The following INTS6L variants were observed in gnomAD, a reference collection of about 807,000 sequenced individuals.
The protein encoded by INTS6L is integrator complex subunit 6-like.
INTS6L carries 18 observed loss-of-function variants against 64.7 expected under a neutral mutation model. That is an observed-to-expected ratio of 0.28 (90% CI 0.19 to 0.41). INTS6L has a LOEUF of 0.41. INTS6L is among the 10% of genes least tolerant of loss of function. The pLI is 1.00. For missense variants in INTS6L, 533 were observed against 661.0 expected, an observed-to-expected ratio of 0.81 and a Z score of 2.12; for synonymous variants, 227 against 235.9, an observed-to-expected ratio of 0.96 and a Z score of 0.34.
rs1187716358 is a variant in INTS6L at position 135,521,803 on chromosome X, G to T, written c.189+485G>T. Among the ~76,000 whole-genome samples, 4 of 108,402 alleles carry T rather than the reference G, an allele frequency of 3.7e-5. No homozygotes were observed. In the Admixed American group the frequency reaches 3.8e-4, roughly 10 times the overall value. 94.1% of individuals were successfully genotyped at this position (108,402 alleles called of 115,157 possible). ...TGCGACTCCGCCCCGAGGTCCTGCC[G>T]GCCGGGCGCGCGGGCTTTCCCGGAG... is the stretch of plus-strand genomic sequence containing the variant. On this transcript the variant is annotated intron_variant, in intron 2 of 17. Transcript: ENST00000639893.
intron 3 of INTS6L, among the ~76,000 whole-genome samples, chrX:135,546,008 A>G (rs782779036): frequency 8.9e-6 from 1 of 112,151 alleles, no homozygotes; most frequent in Non-Finnish European, 1.9e-5. Context: ...AGGTTGCAGC[A>G]CGCAAGTCAC....
chrX:135,527,586 C>T, intron 2 of INTS6L, among the ~76,000 whole-genome samples: 1 of 112,211 alleles, frequency 8.9e-6, no homozygotes, highest in African/African-American at 3.2e-5. Context: ...CTAGTTAAGA[C>T]TGGACCACAG....
chrX:135,565,918 C>T (rs1390440492), intron 9 of INTS6L, among the ~76,000 whole-genome samples: 1 of 112,109 alleles, frequency 8.9e-6, no homozygotes, highest in Non-Finnish European at 1.9e-5. Flanking sequence ...CTTTCTGTAA[C>T]CTGTGTTTTC....
chrX:135,536,419 G>A (rs1348490251), intron 2 of INTS6L, among the ~76,000 whole-genome samples: 1 of 111,763 alleles, frequency 8.9e-6, no homozygotes, highest in African/African-American at 3.3e-5. Context: ...GAAATTAACA[G>A]CATGTTTATT....
At chrX:135,562,432 C>T (rs971560413) in intron 9 of INTS6L, among the ~76,000 whole-genome samples, 1 of 112,067 alleles carries the variant, frequency 8.9e-6, no homozygotes, top group Non-Finnish European at 1.9e-5. Context: ...TATTTTCTAT[C>T]TTAATATATA....
intron 9 of INTS6L, among the ~76,000 whole-genome samples, chrX:135,559,198 T>C (rs1556520872): frequency 8.9e-6 from 1 of 112,026 alleles, no homozygotes; most frequent in African/African-American, 3.2e-5. Flanking sequence ...AGTATCACAA[T>C]TGTGATATTA....
At chrX:135,522,787 T>C (rs1556498385) in intron 2 of INTS6L, among the ~76,000 whole-genome samples, 5 of 112,530 alleles carry the variant, frequency 4.4e-5, no homozygotes, top group Admixed American at 2.8e-4. Flanking sequence ...CTTAAAACTG[T>C]TCTTTTTTCG....
intron 2 of INTS6L, among the ~76,000 whole-genome samples, chrX:135,532,290 A>G (rs782261092): frequency 2.8e-4 from 32 of 112,401 alleles, no homozygotes; most frequent in Non-Finnish European, 5.4e-4. Context: ...TTCTTGAAGG[A>G]GGATGTTGGC....
chrX:135,551,241 CCT>C (rs1200624249), intron 7 of INTS6L, among the ~76,000 whole-genome samples: 1 of 111,858 alleles, frequency 8.9e-6, no homozygotes, highest in Non-Finnish European at 1.9e-5. Context: ...GTCCTGTGTC[CCT>C]CTCTCTCCAT....
At chrX:135,549,827 G>A in intron 7 of INTS6L, 22 bp downstream of exon 7, 1 of 1,203,078 alleles carries the variant, frequency 8.3e-7, no homozygotes. Flanking sequence ...AAAATAAAAA[G>A]GTAAACATCA....
chrX:135,548,047 G>GTATATATATA (rs5903902), intron 6 of INTS6L, among the ~76,000 whole-genome samples: 3 of 101,369 alleles, frequency 3.0e-5, no homozygotes, highest in African/African-American at 1.1e-4. Context: ...ATGTGTAAGT[G>GTATATATATA]TATATATATA....
chrX:135,521,466 C>T (rs1251361154), intron 2 of INTS6L, 148 bp downstream of exon 2: 5 of 528,362 alleles, frequency 9.5e-6, no homozygotes, highest in South Asian at 7.4e-5. Context: ...GGAGTGGTGC[C>T]GTCGGCGGCT....
chrX:135,565,744 A>G (rs1556524562), intron 9 of INTS6L, among the ~76,000 whole-genome samples: 1 of 111,579 alleles, frequency 9.0e-6, no homozygotes, highest in African/African-American at 3.3e-5. Flanking sequence ...TTCACAGTTT[A>G]GTTAGTGGCA....
chrX:135,546,553 T>C, intron 4 of INTS6L, 84 bp downstream of exon 4: 1 of 994,511 alleles, frequency 1.0e-6, no homozygotes. Flanking sequence ...CAGTTAACAG[T>C]AAGTTTGGTC....
intron 10 of INTS6L, 177 bp from the exon 11 acceptor site, chrX:135,570,259 T>G (rs1213396525): frequency 5.6e-6 from 2 of 357,786 alleles, no homozygotes; most frequent in Admixed American, 1.0e-4. Context: ...TTTTTTACTT[T>G]CTGCTCCTTA....
At chrX:135,529,122 A>G (rs2085832874) in intron 2 of INTS6L, among the ~76,000 whole-genome samples, 1 of 112,154 alleles carries the variant, frequency 8.9e-6, no homozygotes, top group African/African-American at 3.2e-5. Context: ...GCAGTAATTC[A>G]GAATTCTGTT....
intron 8 of INTS6L, 148 bp downstream of exon 8, chrX:135,552,294 C>A: frequency 1.7e-6 from 1 of 592,839 alleles, no homozygotes; most frequent in Non-Finnish European, 2.4e-6. Context: ...AGCAACAGGG[C>A]CAGGCAAATA....
At chrX:135,553,564 T>C (rs2086562871) in intron 8 of INTS6L, among the ~76,000 whole-genome samples, 1 of 101,025 alleles carries the variant, frequency 9.9e-6, no homozygotes, top group African/African-American at 3.6e-5. Flanking sequence ...GCTCAAGCAA[T>C]CCTCCCACCT....
At chrX:135,539,369 C>G (rs1301282883) in intron 2 of INTS6L, among the ~76,000 whole-genome samples, 2 of 111,985 alleles carry the variant, frequency 1.8e-5, no homozygotes, top group Non-Finnish European at 3.8e-5. Flanking sequence ...AGCTTCCTCA[C>G]CTCTCTCAGC....
Sources: allele counts gnomAD v4.1 joint callset (sites outside exome capture counted in the v4.1 genomes callset), GRCh38; gene constraint gnomAD v4.1.1; transcripts MANE v1.5; gene names NCBI Gene and HGNC (gene_info 2026-07-23, HGNC 2026-07-21).